SEMA5A: variants seen among roughly 807,000 people sequenced by gnomAD.
SEMA5A encodes semaphorin 5A, also known as semaphorin-5A.
Under a neutral mutation model 135.5 loss-of-function variants are expected in SEMA5A, and 55 were observed. The observed-to-expected ratio is 0.41, with a 90% CI of 0.33 to 0.51. The LOEUF (loss-of-function observed/expected upper bound fraction) is 0.51. Ranked by LOEUF, SEMA5A falls within the 20% of genes least tolerant of loss-of-function variation. The pLI is 0.37. For synonymous variants in SEMA5A, 580 were observed against 546.5 expected (o/e 1.06, Z -0.85); for missense variants, 1,290 against 1,419.9 (o/e 0.91, Z 1.47).
intron 10 of SEMA5A, among the ~76,000 whole-genome samples, chr5:9,193,278 G>C (rs960822361): frequency 1.3e-5 from 2 of 151,888 alleles, no homozygotes; most frequent in South Asian, 4.2e-4. Context: ...TGTCCGTGTG[G>C]GGCACTGTGT....
chr5:9,271,456 CAGTT>C (rs1230188535), intron 5 of SEMA5A, among the ~76,000 whole-genome samples: 2 of 152,064 alleles, frequency 1.3e-5, no homozygotes, highest in East Asian at 1.9e-4. Context: ...AACTGAGTAA[CAGTT>C]AGGGGCTAGA....
chr5:9,109,027 A>ATTTTTTTTTTTTTTTTTTTTTTTT (rs1305606521), intron 15 of SEMA5A, among the ~76,000 whole-genome samples: 1 of 118,926 alleles, frequency 8.4e-6, no homozygotes, highest in Admixed American at 9.5e-5. Flanking sequence ...ATTTCTCTTC[A>ATTTTTTTTTTTTTTTTTTTTTTTT]ATTTTTTTTT....
chr5:9,068,451 G>C (rs1335005500), intron 16 of SEMA5A, among the ~76,000 whole-genome samples: 1 of 152,114 alleles, frequency 6.6e-6, no homozygotes, highest in Non-Finnish European at 1.5e-5. Flanking sequence ...GGAGGAAGAG[G>C]GCAGAACTCT....
At chr5:9,178,202 C>T (rs1372386055) in intron 11 of SEMA5A, among the ~76,000 whole-genome samples, 1 of 152,040 alleles carries the variant, frequency 6.6e-6, no homozygotes, top group Non-Finnish European at 1.5e-5. Context: ...TAAAAATATT[C>T]TCATCAGAAT....
chr5:9,536,315 A>G (rs1189974368), intron 1 of SEMA5A, among the ~76,000 whole-genome samples: 1 of 152,164 alleles, frequency 6.6e-6, no homozygotes, highest in Non-Finnish European at 1.5e-5. Context: ...GAGCAGCCCT[A>G]TGCAAAAAGA....
intron 2 of SEMA5A, among the ~76,000 whole-genome samples, chr5:9,397,396 AGTG>A (rs1326068953): frequency 6.6e-6 from 1 of 152,216 alleles, no homozygotes; most frequent in Non-Finnish European, 1.5e-5. Context: ...TCCATCTTCA[AGTG>A]GGGATAATAC....
chr5:9,543,738 C>G (rs1189037373), intron 1 of SEMA5A, among the ~76,000 whole-genome samples: 2 of 151,648 alleles, frequency 1.3e-5, no homozygotes, highest in African/African-American at 4.9e-5. Flanking sequence ...GATGAGCAAG[C>G]TTCTATCTCC....
At chr5:9,346,568 G>A (rs941822756) in intron 3 of SEMA5A, among the ~76,000 whole-genome samples, 10 of 152,286 alleles carry the variant, frequency 6.6e-5, no homozygotes, top group African/African-American at 2.4e-4. Flanking sequence ...CAGGGAGTTG[G>A]CTCCTGCCAG....
chr5:9,499,077 C>A (rs894465988), intron 1 of SEMA5A, among the ~76,000 whole-genome samples: 5 of 152,186 alleles, frequency 3.3e-5, no homozygotes, highest in Admixed American at 2.6e-4. Flanking sequence ...CCTCCTCCTA[C>A]CTTCCATGAG....
At chr5:9,224,092 A>G (rs776774634) in intron 8 of SEMA5A, among the ~76,000 whole-genome samples, 22 of 152,310 alleles carry the variant, frequency 1.4e-4, no homozygotes, top group Middle Eastern at 3.4e-3. Flanking sequence ...CTGAGGGCCC[A>G]TCTGCCAGAC....
intron 1 of SEMA5A, among the ~76,000 whole-genome samples, chr5:9,543,157 C>T (rs1382155120): frequency 3.3e-5 from 5 of 152,200 alleles, no homozygotes; most frequent in Admixed American, 1.3e-4. Flanking sequence ...CACTAGCACA[C>T]GGTACAGAGA....
At chr5:9,149,083 T>C (rs1742492537) in intron 12 of SEMA5A, among the ~76,000 whole-genome samples, 1 of 152,158 alleles carries the variant, frequency 6.6e-6, no homozygotes, top group Admixed American at 6.5e-5. Context: ...CATTTTCTGC[T>C]CTTTTTTTGG....
At chr5:9,456,277 TCTCC>T (rs1369914193) in intron 1 of SEMA5A, among the ~76,000 whole-genome samples, 1 of 152,144 alleles carries the variant, frequency 6.6e-6, no homozygotes, top group Non-Finnish European at 1.5e-5. Flanking sequence ...GTAGCCACAC[TCTCC>T]CTACCTGGGA....
At chr5:9,115,740 C>A (rs1370641063) in intron 15 of SEMA5A, among the ~76,000 whole-genome samples, 1 of 152,134 alleles carries the variant, frequency 6.6e-6, no homozygotes, top group Non-Finnish European at 1.5e-5. Context: ...AACAGAGAAT[C>A]AACTCTGGCA....
intron 5 of SEMA5A, among the ~76,000 whole-genome samples, chr5:9,297,267 C>T (rs1439674244): frequency 6.6e-6 from 1 of 151,832 alleles, no homozygotes; most frequent in Non-Finnish European, 1.5e-5. Context: ...AAATATTTCA[C>T]AAAGGGGGAA....
At chr5:9,446,511 C>T (rs1286951081) in intron 1 of SEMA5A, among the ~76,000 whole-genome samples, 2 of 152,088 alleles carry the variant, frequency 1.3e-5, no homozygotes, top group African/African-American at 4.8e-5. Context: ...TTCATGCAGG[C>T]AATTTTGAAG....
chr5:9,111,599 A>G (rs1740243858), intron 15 of SEMA5A, among the ~76,000 whole-genome samples: 1 of 151,980 alleles, frequency 6.6e-6, no homozygotes, highest in Non-Finnish European at 1.5e-5. Flanking sequence ...TCTTTCTCCT[A>G]TAGTAGTCCA....
chr5:9,329,153 A>G (rs1424450885), intron 4 of SEMA5A, among the ~76,000 whole-genome samples: 1 of 152,082 alleles, frequency 6.6e-6, no homozygotes, highest in East Asian at 1.9e-4. Flanking sequence ...TCGATGCACC[A>G]TCATATCCCT....
chr5:9,065,973 G>A (rs1054860060), intron 17 of SEMA5A, among the ~76,000 whole-genome samples: 50 of 152,316 alleles, frequency 3.3e-4, no homozygotes, highest in African/African-American at 1.2e-3. Flanking sequence ...TACACAATGT[G>A]CTTTTTAAAA....
Sources: gnomAD v4.1 joint callset for allele counts (sites outside exome capture counted in the v4.1 genomes callset) on GRCh38, gnomAD v4.1.1 for gene constraint, MANE v1.5 for transcripts, NCBI Gene and HGNC (gene_info 2026-07-23, HGNC 2026-07-21) for gene names.